PLXNA1: variants seen among roughly 807,000 people sequenced by gnomAD.
PLXNA1 encodes plexin A1.
A neutral mutation model predicts 191.7 loss-of-function variants in PLXNA1; 77 were observed. That is an observed-to-expected ratio of 0.40 (90% confidence interval 0.33 to 0.49). The LOEUF is 0.49. PLXNA1 is among the 20% of genes least tolerant of loss of function. PLXNA1 has a pLI of 0.63. For synonymous variants in PLXNA1, 1,137 were observed against 1,156.4 expected, an observed-to-expected ratio of 0.98 and a Z score of 0.34; for missense variants, 2,110 against 2,660.2, an observed-to-expected ratio of 0.79 and a Z score of 4.55.
rs752652607 is a variant in PLXNA1, at chr3:127,027,834, A to AT, written c.4363-103dup. On this transcript the variant is annotated intron_variant, in intron 23 of 31. Transcript: ENST00000393409. The stretch of plus-strand genomic sequence containing the variant: ...CCCAAAGAGTTGGGAAGTGCTGCTC[A>AT]TTTCTCCTTGCCAGGAACACCATGG... 2.3e-5 allele frequency: 34 copies of AT among 1,494,090 alleles called. No individual in the cohort carries two copies. In the East Asian group the frequency reaches 6.9e-4, roughly 30 times the overall value. 92.6% of individuals were successfully genotyped at this position (1,494,090 alleles called of 1,614,324 possible).
chr3:127,003,123 C>T (rs963463564), intron 3 of PLXNA1, among the ~76,000 whole-genome samples: 6 of 147,648 alleles, frequency 4.1e-5, no homozygotes, highest in Middle Eastern at 3.4e-3. Context: ...CTGTTGGGGT[C>T]TGAGTTTGCC....
At chr3:127,029,319 T>G in intron 26 of PLXNA1, 121 bp from the exon 27 acceptor site, 2 of 944,362 alleles carry the variant, frequency 2.1e-6, no homozygotes, top group South Asian at 2.7e-5. Flanking sequence ...CCAGACTGAG[T>G]GAGGTGGCTG....
At chr3:127,018,664 C>T (rs2079138002) in intron 20 of PLXNA1, 136 bp downstream of exon 20, 5 of 735,290 alleles carry the variant, frequency 6.8e-6, no homozygotes, top group South Asian at 5.4e-5. Flanking sequence ...CCTTGCTGTG[C>T]CAGAGCTGGT....
chr3:127,022,482 C>G (rs996320821), intron 22 of PLXNA1, 141 bp downstream of exon 22: 1 of 1,058,188 alleles, frequency 9.5e-7, no homozygotes, highest in South Asian at 1.6e-5. Flanking sequence ...CTCTGAGGCT[C>G]AGCTGCCACC....
Position 127,034,973 on chromosome 3 carries a change from A to G in PLXNA1, c.*956A>G, listed in dbSNP as rs763327865. ...CTCTGTCCCTGCCCCAGCGGCTTCC[A>G]GTGTGGCATCTCAGCAGTGTCCTGG... On this transcript the variant is annotated 3_prime_UTR_variant, in exon 32 of 32. Coordinates refer to ENST00000393409, the MANE Select transcript of PLXNA1 (RefSeq NM_032242.4). The G allele has an allele frequency of 6.6e-6, 1 of 152,652 alleles. No homozygotes were observed. Among genetic ancestry groups the G allele is most frequent in the African/African-American group, 2.4e-5 (1 of 41,464 alleles). The allele number at this position is 152,652 out of a possible 1,614,324, so 9.5% of individuals were successfully genotyped here. A position where few individuals can be genotyped will look rare whatever the true frequency, so the allele number is the denominator to read the frequency against.
Position 126,989,415 on chromosome 3 carries a change from C to T in PLXNA1, c.822C>T (p.Gly274=), listed in dbSNP as rs758101737. 25 of 1,613,472 alleles carry T rather than the reference C, an allele frequency of 1.5e-5. No homozygotes were observed. Among genetic ancestry groups the T allele is most frequent in the Admixed American group, 1.2e-4 (7 of 60,016 alleles). The change falls in exon 2 of 32, where the codon GGC becomes GGT. Residue 274 remains glycine, a synonymous_variant. Coordinates refer to ENST00000393409, the MANE Select transcript of PLXNA1 (RefSeq NM_032242.4). ...DTQLTSPDAA[G]EHFFTSKIVR... Reference sequence around the variant, plus strand: ...AGCTGACCTCGCCTGATGCCGCCGGCGAGCACTTCTTCACGTCCAAGATCG... The same window carrying T: ...AGCTGACCTCGCCTGATGCCGCCGGTGAGCACTTCTTCACGTCCAAGATCG...
At chr3:126,995,049 T>C (rs976667580) in intron 3 of PLXNA1, among the ~76,000 whole-genome samples, 2 of 152,082 alleles carry the variant, frequency 1.3e-5, no homozygotes, top group African/African-American at 4.8e-5. Context: ...GCCAGTCTTT[T>C]CCGGGCTTTA....
intron 3 of PLXNA1, among the ~76,000 whole-genome samples, chr3:126,994,601 T>C (rs2079006243): frequency 6.6e-6 from 1 of 152,210 alleles, no homozygotes; most frequent in South Asian, 2.1e-4. Context: ...GTGCGAGGCC[T>C]CTGGCCTTGC....
intron 3 of PLXNA1, among the ~76,000 whole-genome samples, chr3:126,997,381 G>C (rs759304842): frequency 6.6e-6 from 1 of 152,202 alleles, no homozygotes; most frequent in South Asian, 2.1e-4. Flanking sequence ...GGCAGTGCCC[G>C]GCAGCATGTG....
intron 23 of PLXNA1, among the ~76,000 whole-genome samples, chr3:127,023,152 G>T (rs1028193523): frequency 2.0e-5 from 3 of 152,214 alleles, no homozygotes; most frequent in Non-Finnish European, 4.4e-5. Flanking sequence ...CAGCCTGGGG[G>T]TGCCTGAAGG....
At chr3:127,002,349 G>A (rs1158372096) in intron 3 of PLXNA1, among the ~76,000 whole-genome samples, 7 of 152,250 alleles carry the variant, frequency 4.6e-5, no homozygotes, top group Admixed American at 4.6e-4. Flanking sequence ...CCAGCCGACA[G>A]CCTCTTTGGC....
chr3:127,013,536 G>A (rs963044150), intron 10 of PLXNA1, among the ~76,000 whole-genome samples: 2 of 152,216 alleles, frequency 1.3e-5, no homozygotes, highest in African/African-American at 4.8e-5. Flanking sequence ...TTGTTGAGGA[G>A]GGGACGGGGA....
intron 9 of PLXNA1, 37 bp from the exon 10 acceptor site, chr3:127,011,921 C>G (rs767267598): frequency 6.3e-7 from 1 of 1,592,480 alleles, no homozygotes; most frequent in Non-Finnish European, 8.6e-7. Context: ...TCACTGGTCT[C>G]CGCCCCCGGG....
At chr3:126,999,230 C>T (rs1432880886) in intron 3 of PLXNA1, among the ~76,000 whole-genome samples, 1 of 152,210 alleles carries the variant, frequency 6.6e-6, no homozygotes, top group South Asian at 2.1e-4. Flanking sequence ...CTGGGGCCAC[C>T]TCAGGCTGGG....
intron 1 of PLXNA1, among the ~76,000 whole-genome samples, chr3:126,986,910 A>G (rs2078961984): frequency 6.6e-6 from 1 of 152,174 alleles, no homozygotes; most frequent in Non-Finnish European, 1.5e-5. Context: ...CCCCATCTGT[A>G]AAATGGGGCC....
intron 3 of PLXNA1, among the ~76,000 whole-genome samples, chr3:127,002,387 G>A (rs1362770794): frequency 1.3e-5 from 2 of 152,252 alleles, no homozygotes; most frequent in Non-Finnish European, 2.9e-5. Flanking sequence ...CACCCTGGCT[G>A]GCCGCCCTCA....
At chr3:127,025,030 A>T (rs1392318799) in intron 23 of PLXNA1, among the ~76,000 whole-genome samples, 1 of 152,046 alleles carries the variant, frequency 6.6e-6, no homozygotes, top group Non-Finnish European at 1.5e-5. Flanking sequence ...TCCCTAGGAG[A>T]GGGGTGCATT....
intron 1 of PLXNA1, among the ~76,000 whole-genome samples, chr3:126,985,433 G>A (rs756607227): frequency 7.2e-5 from 11 of 152,082 alleles, no homozygotes; most frequent in Non-Finnish European, 1.3e-4. Flanking sequence ...AGCCACAGCC[G>A]TTCCTACTGC....
At chr3:127,032,169 C>A (rs1283617771) in intron 29 of PLXNA1, among the ~76,000 whole-genome samples, 1 of 152,242 alleles carries the variant, frequency 6.6e-6, no homozygotes, top group Non-Finnish European at 1.5e-5. Context: ...TCTCATGATG[C>A]TCTGCGTGAG....
Sources: allele counts gnomAD v4.1 joint callset (sites outside exome capture counted in the v4.1 genomes callset), GRCh38; gene constraint gnomAD v4.1.1; transcripts MANE v1.5; gene names NCBI Gene and HGNC (gene_info 2026-07-23, HGNC 2026-07-21).